Variants in SGCD observed in about 807,000 individuals in gnomAD.
SGCD encodes sarcoglycan delta.
SGCD carries 18 observed loss-of-function variants against 36.6 expected under a neutral mutation model. The observed-to-expected ratio is 0.49, with a 90% confidence interval of 0.34 to 0.73. The LOEUF (loss-of-function observed/expected upper bound fraction) is 0.73, where lower values mean the gene tolerates loss of function less well. Among genes scored for constraint, SGCD ranks in the 30% least tolerant of loss-of-function variants. SGCD has a pLI of 0.01. For missense variants in SGCD, 387 were observed against 346.7 expected (o/e 1.12, Z -0.92); for synonymous variants, 133 against 130.6 (o/e 1.02, Z -0.12).
chr5:156,042,741 A>G (rs748380484), intron 1 of SGCD, among the ~76,000 whole-genome samples: 7 of 152,320 alleles, frequency 4.6e-5, no homozygotes, highest in Middle Eastern at 6.8e-3. Flanking sequence ...TCAGATATGC[A>G]GAAACCTGAA....
intron 6 of SGCD, among the ~76,000 whole-genome samples, chr5:156,645,906 A>G (rs1431663335): frequency 1.3e-5 from 2 of 152,202 alleles, no homozygotes; most frequent in African/African-American, 4.8e-5. Flanking sequence ...TAAACATTAT[A>G]TAATATTACT....
intron 3 of SGCD, among the ~76,000 whole-genome samples, chr5:156,438,472 C>T (rs1054287803): frequency 6.6e-6 from 1 of 151,956 alleles, no homozygotes; most frequent in Non-Finnish European, 1.5e-5. Context: ...TTTTCATGCA[C>T]AGCAGCAAAG....
intron 6 of SGCD, among the ~76,000 whole-genome samples, chr5:156,602,728 C>T (rs280473): frequency 0.32 from 48,294 of 152,030 alleles, 8,577 homozygotes; most frequent in African/African-American, 0.49. Flanking sequence ...TTTCCATTAA[C>T]GTAGTATATC....
At chr5:155,900,506 G>A (rs927392139) in intron 1 of SGCD, among the ~76,000 whole-genome samples, 1 of 151,448 alleles carries the variant, frequency 6.6e-6, no homozygotes, top group African/African-American at 2.4e-5. Context: ...CATGTGCCAT[G>A]CTGGTGCGCT....
At chr5:156,248,350 T>C (rs1765489043) in intron 3 of SGCD, among the ~76,000 whole-genome samples, 1 of 152,034 alleles carries the variant, frequency 6.6e-6, no homozygotes, top group Non-Finnish European at 1.5e-5. Flanking sequence ...TGAAACCCCG[T>C]CTCTATTAAA....
intron 6 of SGCD, among the ~76,000 whole-genome samples, chr5:156,610,038 C>T (rs1287978951): frequency 1.3e-5 from 2 of 152,226 alleles, no homozygotes; most frequent in South Asian, 2.1e-4. Flanking sequence ...GCCTTCTTCT[C>T]TCAACTTGTC....
intron 1 of SGCD, among the ~76,000 whole-genome samples, chr5:155,983,273 T>C (rs2127562647): frequency 6.6e-6 from 1 of 152,322 alleles, no homozygotes; most frequent in East Asian, 1.9e-4. Flanking sequence ...TAAGTATCTT[T>C]CCTACCAGCT....
intron 3 of SGCD, among the ~76,000 whole-genome samples, chr5:156,293,051 G>T (rs1023505094): frequency 6.6e-6 from 1 of 151,754 alleles, no homozygotes; most frequent in Non-Finnish European, 1.5e-5. Context: ...CATTCTGAGG[G>T]TTGCCTTTCT....
chr5:155,887,383 C>G (rs768182191), intron 1 of SGCD, among the ~76,000 whole-genome samples: 17 of 152,198 alleles, frequency 1.1e-4, no homozygotes, highest in Non-Finnish European at 2.1e-4. Flanking sequence ...TATTACTACA[C>G]TACTCCATTT....
intron 3 of SGCD, among the ~76,000 whole-genome samples, chr5:156,257,585 C>T (rs1765747693): frequency 6.6e-6 from 1 of 152,012 alleles, no homozygotes; most frequent in African/African-American, 2.4e-5. Context: ...GTCCTTGGGT[C>T]GGGCGCGGTG....
intron 7 of SGCD, among the ~76,000 whole-genome samples, chr5:156,673,004 TACAC>T (rs535563369): frequency 2.4e-3 from 363 of 152,136 alleles, no homozygotes; most frequent in South Asian, 4.0e-3. Flanking sequence ...CTTCCCCTAT[TACAC>T]ACATACGCAG....
At chr5:155,728,349 C>T in the SGCD span, among the ~76,000 whole-genome samples, 43 of 152,280 alleles carry the variant, frequency 2.8e-4, no homozygotes, top group Middle Eastern at 3.4e-3. Flanking sequence ...CCGGCGAGAT[C>T]GCCCTCCATG....
At chr5:156,624,569 A>G (rs910046766) in intron 6 of SGCD, among the ~76,000 whole-genome samples, 1 of 152,204 alleles carries the variant, frequency 6.6e-6, no homozygotes, top group South Asian at 2.1e-4. Context: ...TGACAGAACA[A>G]GACTCTGTCT....
intron 3 of SGCD, among the ~76,000 whole-genome samples, chr5:156,427,431 GC>G (rs766377076): frequency 1.2e-4 from 19 of 152,064 alleles, no homozygotes; most frequent in Non-Finnish European, 2.6e-4. Flanking sequence ...AGATCTAGGA[GC>G]TTTTTGAGTG....
chr5:156,071,658 A>G (rs1350292928), intron 1 of SGCD, among the ~76,000 whole-genome samples: 2 of 152,206 alleles, frequency 1.3e-5, no homozygotes, highest in Non-Finnish European at 2.9e-5. Context: ...CGCTTGGTGC[A>G]GAGCTGTGTT....
chr5:156,679,189 C>T (rs1040044853), intron 7 of SGCD, among the ~76,000 whole-genome samples: 4 of 152,150 alleles, frequency 2.6e-5, no homozygotes, highest in African/African-American at 4.8e-5. Flanking sequence ...GCAAATCTAA[C>T]GTCTTTCTAA....
intron 1 of SGCD, among the ~76,000 whole-genome samples, chr5:155,974,545 C>T (rs1319306677): frequency 4.7e-5 from 7 of 149,398 alleles, no homozygotes; most frequent in Admixed American, 1.3e-4. Context: ...TCCCACTGGA[C>T]GGCCAGTAGC....
At chr5:155,742,153 G>A in the SGCD span, among the ~76,000 whole-genome samples, 1 of 152,042 alleles carries the variant, frequency 6.6e-6, no homozygotes, top group Non-Finnish European at 1.5e-5. Context: ...CTTAAATTAG[G>A]GTTTTAAGAA....
chr5:156,521,795 C>G (rs1427411110), intron 4 of SGCD, among the ~76,000 whole-genome samples: 1 of 152,130 alleles, frequency 6.6e-6, no homozygotes, highest in African/African-American at 2.4e-5. Flanking sequence ...GGTGATTCCT[C>G]AAAGACCTGG....
Sources: allele counts gnomAD v4.1 joint callset (sites outside exome capture counted in the v4.1 genomes callset), GRCh38; gene constraint gnomAD v4.1.1; transcripts MANE v1.5; gene names NCBI Gene and HGNC (gene_info 2026-07-23, HGNC 2026-07-21).